ROBO1: variants seen among roughly 807,000 people sequenced by gnomAD.
The protein encoded by ROBO1 is roundabout homolog 1.
A neutral mutation model predicts 195.9 loss-of-function variants in ROBO1; 149 were observed. That is an observed-to-expected ratio of 0.76 (90% CI 0.67 to 0.87). The LOEUF (loss-of-function observed/expected upper bound fraction) is 0.87, where lower values mean the gene tolerates loss of function less well. ROBO1 is among the 40% of genes least tolerant of loss of function. The probability of loss-of-function intolerance (pLI) is 0.00; values close to 1 mark genes in which losing one functional copy is unlikely to be tolerated. For synonymous variants in ROBO1, 816 were observed against 733.2 expected, an observed-to-expected ratio of 1.11 and a Z score of -1.82; for missense variants, 1,933 against 2,068.3, an observed-to-expected ratio of 0.93 and a Z score of 1.27.
Position 78,642,355 on chromosome 3 carries a change from C to T in ROBO1, c.2883-2457G>A, listed in dbSNP as rs796535673. On this transcript the variant is annotated intron_variant, in intron 21 of 30. Coordinates refer to ENST00000464233, the MANE Select transcript of ROBO1 (RefSeq NM_002941.4). Reference sequence around the variant, plus strand: ...TCACAAAATAAAACACTACAGAGTCCAGGAGCTGCGGAAATGGTGAAGGAG... The same window carrying T: ...TCACAAAATAAAACACTACAGAGTCTAGGAGCTGCGGAAATGGTGAAGGAG... Among the ~76,000 whole-genome samples the T allele has an allele frequency of 4.0e-4, 61 of 152,238 alleles. 1 individual carries two copies. Among genetic ancestry groups the T allele is most frequent in the African/African-American group, 1.5e-3 (61 of 41,558 alleles).
chr3:78,657,394 TCCAAAGTCATTTTTTC>T (rs1707105857), intron 17 of ROBO1, 125 bp from the exon 18 acceptor site: 2 of 890,532 alleles, frequency 2.2e-6, no homozygotes, highest in Admixed American at 3.2e-5. Flanking sequence ...ATAAGAAGTT[TCCAAAGTCATTTTTTC>T]CCTAAAATCT....
At chr3:79,390,805 G>C (rs1196751384) in intron 2 of ROBO1, among the ~76,000 whole-genome samples, 2 of 152,138 alleles carry the variant, frequency 1.3e-5, no homozygotes, top group East Asian at 3.9e-4. Context: ...AGCCAAATTT[G>C]AGTACATATT....
intron 2 of ROBO1, among the ~76,000 whole-genome samples, chr3:79,478,187 T>C (rs1575883241): frequency 6.6e-6 from 1 of 152,044 alleles, no homozygotes; most frequent in African/African-American, 2.4e-5. Flanking sequence ...AATAATCAAG[T>C]GAAGGTCTAA....
chr3:78,935,177 A>C (rs547743561), intron 4 of ROBO1, among the ~76,000 whole-genome samples: 1 of 152,240 alleles, frequency 6.6e-6, no homozygotes, highest in African/African-American at 2.4e-5. Flanking sequence ...AAATCTACAA[A>C]AGACATAATC....
intron 4 of ROBO1, among the ~76,000 whole-genome samples, chr3:78,880,310 C>T (rs2036106696): frequency 6.6e-6 from 1 of 152,000 alleles, no homozygotes; most frequent in Non-Finnish European, 1.5e-5. Flanking sequence ...TTAAATATGT[C>T]CACAAAACAA....
chr3:78,752,015 A>C (rs2108311024), intron 4 of ROBO1, among the ~76,000 whole-genome samples: 1 of 152,240 alleles, frequency 6.6e-6, no homozygotes, highest in South Asian at 2.1e-4. Context: ...TCAACTAGGA[A>C]AAAAAATAAA....
intron 2 of ROBO1, among the ~76,000 whole-genome samples, chr3:79,359,003 A>G (rs2035666532): frequency 1.3e-5 from 2 of 152,072 alleles, no homozygotes; most frequent in African/African-American, 4.8e-5. Flanking sequence ...TCTATAAATT[A>G]ATGACTGCTA....
At chr3:79,565,419 T>A (rs1230144497) in intron 2 of ROBO1, among the ~76,000 whole-genome samples, 1 of 151,956 alleles carries the variant, frequency 6.6e-6, no homozygotes, top group Non-Finnish European at 1.5e-5. Context: ...TGAAAGTACA[T>A]TAAGAAATTA....
intron 1 of ROBO1, among the ~76,000 whole-genome samples, chr3:79,738,419 T>A (rs138375943): frequency 6.6e-6 from 1 of 152,306 alleles, no homozygotes; most frequent in East Asian, 1.9e-4. Context: ...ATTCCCTCCA[T>A]CTTGGCCAGC....
At chr3:79,622,770 G>A (rs968034975) in intron 1 of ROBO1, among the ~76,000 whole-genome samples, 6 of 152,206 alleles carry the variant, frequency 3.9e-5, no homozygotes, top group Non-Finnish European at 8.8e-5. Flanking sequence ...CAGCCTAGAT[G>A]AGTGGGTTTC....
intron 2 of ROBO1, among the ~76,000 whole-genome samples, chr3:79,564,453 C>T (rs1244249693): frequency 6.6e-6 from 1 of 151,940 alleles, no homozygotes; most frequent in African/African-American, 2.4e-5. Context: ...TCATTTCCAC[C>T]ATAAATTTCT....
intron 2 of ROBO1, among the ~76,000 whole-genome samples, chr3:79,246,848 T>C (rs899925351): frequency 2.4e-4 from 37 of 152,018 alleles, no homozygotes; most frequent in African/African-American, 8.7e-4. Flanking sequence ...AGCCCTTCCA[T>C]AAATTAAAGC....
At chr3:79,275,965 A>G (rs1461759848) in intron 2 of ROBO1, among the ~76,000 whole-genome samples, 1 of 152,030 alleles carries the variant, frequency 6.6e-6, no homozygotes, top group Non-Finnish European at 1.5e-5. Flanking sequence ...CACTGATGCA[A>G]GAAATTGAAG....
At chr3:79,517,211 C>T (rs1297178755) in intron 2 of ROBO1, among the ~76,000 whole-genome samples, 1 of 152,144 alleles carries the variant, frequency 6.6e-6, no homozygotes, top group Non-Finnish European at 1.5e-5. Flanking sequence ...CCTGTCACTC[C>T]TGGGTTCATT....
chr3:79,555,785 C>G (rs1559989162), intron 2 of ROBO1, among the ~76,000 whole-genome samples: 1 of 152,030 alleles, frequency 6.6e-6, no homozygotes, highest in Non-Finnish European at 1.5e-5. Context: ...GCAAAAGAGC[C>G]TAACCAAAAG....
Position 78,600,256 on chromosome 3 carries a change from C to T in ROBO1, c.4798G>A (p.Asp1600Asn), listed in dbSNP as rs1275607940. 2 of 1,613,250 alleles carry T rather than the reference C, an allele frequency of 1.2e-6. No individual in the cohort carries two copies. Among genetic ancestry groups the T allele is most frequent in the Admixed American group, 3.3e-5 (2 of 59,978 alleles). The change falls in exon 30 of 31, where the codon GAT becomes AAT. Residue 1600 changes from aspartate (D) to asparagine (N), a missense_variant. Physicochemically the swap from Asp to Asn is conservative, Grantham distance 23. Coordinates refer to ENST00000464233, the MANE Select transcript of ROBO1 (RefSeq NM_002941.4). Reference sequence around the variant, plus strand: ...GACATTGAGCTTGAGGAACTGGGATCTCTGGGATTATTTGATGTTGGAAAA... The same window carrying T: ...GACATTGAGCTTGAGGAACTGGGATTTCTGGGATTATTTGATGTTGGAAAA... The part of the protein sequence containing the change: ...PTFPTSNNPR[D>N]PSSSSSMSSR...
chr3:79,705,529 C>A (rs763543492), intron 1 of ROBO1, among the ~76,000 whole-genome samples: 1 of 151,994 alleles, frequency 6.6e-6, no homozygotes, highest in African/African-American at 2.4e-5. Flanking sequence ...TCTTCTTTCC[C>A]GTGGATCTAT....
intron 2 of ROBO1, among the ~76,000 whole-genome samples, chr3:79,212,172 C>A (rs1293941967): frequency 3.3e-5 from 5 of 152,142 alleles, no homozygotes; most frequent in Non-Finnish European, 7.3e-5. Context: ...TTCCGGTAAA[C>A]CCACAAACTT....
chr3:78,621,007 C>A (rs941712688), intron 26 of ROBO1, among the ~76,000 whole-genome samples: 5 of 150,698 alleles, frequency 3.3e-5, no homozygotes, highest in Non-Finnish European at 7.4e-5. Flanking sequence ...CATATACACA[C>A]ATATATGTAA....
Sources: allele counts gnomAD v4.1 joint callset (sites outside exome capture counted in the v4.1 genomes callset), GRCh38; gene constraint gnomAD v4.1.1; transcripts MANE v1.5; gene names NCBI Gene and HGNC (gene_info 2026-07-23, HGNC 2026-07-21).